STAU1: variants seen among roughly 807,000 people sequenced by gnomAD.
STAU1 encodes double-stranded RNA-binding protein Staufen homolog 1.
In STAU1, 13 loss-of-function variants were observed where a neutral mutation model predicts 62.9. The ratio of observed to expected loss-of-function variants is 0.21; its 90% CI spans 0.13 to 0.33. STAU1 has a LOEUF of 0.33. STAU1 is among the 10% of genes least tolerant of loss of function. STAU1 has a pLI of 1.00. For missense variants in STAU1, 571 were observed against 712.1 expected, an observed-to-expected ratio of 0.80 and a Z score of 2.25; for synonymous variants, 269 against 265.1, an observed-to-expected ratio of 1.01 and a Z score of -0.14.
In STAU1 at chr20:49,139,599, G is replaced by A. The variant is rs554281321; in HGVS notation, c.511-3668C>T. On this transcript the variant is annotated intron_variant, in intron 5 of 13. Coordinates refer to ENST00000371856, the MANE Select transcript of STAU1 (RefSeq NM_017453.4). ...AAACTAGCCGGGTGTGGTAGCAGAC[G>A]TCTGTAATCCCAGCTACTTGGGAGG... Among the ~76,000 whole-genome samples, 19 of 151,862 alleles carry A rather than the reference G, an allele frequency of 1.3e-4. No individual in the cohort carries two copies. In the South Asian group the frequency reaches 3.3e-3, roughly 27 times the overall value.
intron 2 of STAU1, among the ~76,000 whole-genome samples, chr20:49,171,065 A>AGGATCT (rs1337763970): frequency 2.6e-5 from 4 of 152,260 alleles, no homozygotes; most frequent in African/African-American, 4.8e-5. Context: ...AATGCTGGAA[A>AGGATCT]GGATCTGTGT....
chr20:49,206,755 TATTTTA>T, the STAU1 span, among the ~76,000 whole-genome samples: 1 of 99,748 alleles, frequency 1.0e-5, no homozygotes, highest in African/African-American at 3.9e-5. Context: ...ATATATATTT[TATTTTA>T]TTTTTTTTTT....
At chr20:49,123,336 G>T (rs1273341631) in intron 7 of STAU1, 101 bp from the exon 8 acceptor site, 4 of 1,460,392 alleles carry the variant, frequency 2.7e-6, no homozygotes, top group Non-Finnish European at 3.8e-6. Context: ...ATTTTGGGTT[G>T]ACCTAATGGC....
intron 8 of STAU1, among the ~76,000 whole-genome samples, chr20:49,120,556 C>T (rs1296360192): frequency 6.6e-6 from 1 of 152,140 alleles, no homozygotes; most frequent in African/African-American, 2.4e-5. Flanking sequence ...CAGAAATATA[C>T]AAATGCTACG....
At chr20:49,164,585 TGGCCA>T (rs1319768643) in intron 3 of STAU1, among the ~76,000 whole-genome samples, 3 of 151,868 alleles carry the variant, frequency 2.0e-5, no homozygotes, top group African/African-American at 7.3e-5. Context: ...CCACCACGCC[TGGCCA>T]TGACGCAGAA....
upstream of STAU1, chr20:49,188,443 G>A (rs1452981423): frequency 3.3e-5 from 4 of 120,006 alleles, no homozygotes; most frequent in African/African-American, 1.2e-4. Flanking sequence ...CCCCACCCAC[G>A]GTCCGAACCA....
intron 6 of STAU1, 73 bp downstream of exon 6, chr20:49,135,760 G>A: frequency 9.0e-7 from 1 of 1,112,114 alleles, no homozygotes; most frequent in Non-Finnish European, 1.3e-6. Flanking sequence ...GATATTTAGG[G>A]GAAAAAATAA....
chr20:49,145,271 A>T (rs1448423880), intron 5 of STAU1, among the ~76,000 whole-genome samples: 1 of 151,170 alleles, frequency 6.6e-6, no homozygotes, highest in Non-Finnish European at 1.5e-5. Flanking sequence ...TAAAAATACA[A>T]AAATTAGCCG....
chr20:49,212,818 G>A, the STAU1 span, among the ~76,000 whole-genome samples: 181 of 151,238 alleles, frequency 1.2e-3, no homozygotes, highest in African/African-American at 4.1e-3. Flanking sequence ...GGCTGGTCTC[G>A]AACTCCTGAC....
chr20:49,178,734 G>A (rs1188326369), intron 1 of STAU1, among the ~76,000 whole-genome samples: 1 of 150,598 alleles, frequency 6.6e-6, no homozygotes, highest in Non-Finnish European at 1.5e-5. Flanking sequence ...CTGAGTAACA[G>A]AGCGAGACTC....
intron 3 of STAU1, among the ~76,000 whole-genome samples, 196 bp from the exon 4 acceptor site, chr20:49,154,267 G>A (rs551563480): frequency 2.0e-5 from 3 of 152,220 alleles, no homozygotes; most frequent in Non-Finnish European, 2.9e-5. Context: ...ATACACAGTC[G>A]ACAGCACAAA....
the STAU1 span, among the ~76,000 whole-genome samples, chr20:49,197,086 T>C: frequency 6.6e-6 from 1 of 150,956 alleles, no homozygotes; most frequent in East Asian, 2.0e-4. Context: ...ACGCGGGAGG[T>C]GGAGGTTGCA....
chr20:49,124,371 T>C lies in STAU1; in HGVS notation c.822+4A>G, dbSNP rs375033981. On this transcript the variant is annotated splice_donor_region_variant and intron_variant, in intron 7 of 13. Transcript: ENST00000371856. ...ACACCTTCTGTGTTCAGAAAAGTTC[T>C]CACCTTGACTATGGGTTTTGTTTTC... 3.7e-6 allele frequency: 6 copies of C among 1,613,194 alleles called. No individual in the cohort carries two copies. Among genetic ancestry groups the C allele is most frequent in the Non-Finnish European group, 5.1e-6 (6 of 1,179,824 alleles).
chr20:49,133,840 C>A (rs6066975), intron 6 of STAU1, among the ~76,000 whole-genome samples: 48,299 of 152,000 alleles, frequency 0.32, 9,062 homozygotes, highest in Middle Eastern at 0.46. Context: ...CTGGCAACTA[C>A]AATCCCACCT....
At chr20:49,144,518 T>G (rs1416531463) in intron 5 of STAU1, among the ~76,000 whole-genome samples, 3 of 152,214 alleles carry the variant, frequency 2.0e-5, no homozygotes, top group Non-Finnish European at 2.9e-5. Flanking sequence ...ATCATTACAG[T>G]CTGGAGTGCT....
intron 4 of STAU1, among the ~76,000 whole-genome samples, chr20:49,153,251 G>GGAAAAAAAAAAAAA (rs1379385445): frequency 8.1e-5 from 8 of 99,068 alleles, no homozygotes; most frequent in African/African-American, 3.1e-4. Flanking sequence ...CTCCGTCTCA[G>GGAAAAAAAAAAAAA]AAAAAAAAAA....
chr20:49,134,528 G>A (rs1428450182), intron 6 of STAU1: 4 of 1,263,466 alleles, frequency 3.2e-6, no homozygotes, highest in Non-Finnish European at 4.6e-6. Context: ...CAAACTCATC[G>A]GAAACATAGC....
the STAU1 span, among the ~76,000 whole-genome samples, chr20:49,203,762 C>T: frequency 5.9e-5 from 9 of 152,246 alleles, no homozygotes; most frequent in Non-Finnish European, 1.2e-4. Flanking sequence ...TCTCGGCTTA[C>T]TGCAACCTCC....
At chr20:49,134,449 A>AAAAAAAAAAAAAAAAAAAAAGC in intron 6 of STAU1, 1 of 609,626 alleles carries the variant, frequency 1.6e-6, no homozygotes, top group Non-Finnish European at 2.9e-6. Context: ...AAAAAAAAAA[A>AAAAAAAAAAAAAAAAAAAAAGC]GCTCTGGGTT....
Sources: gnomAD v4.1 joint callset for allele counts (sites outside exome capture counted in the v4.1 genomes callset) on GRCh38, gnomAD v4.1.1 for gene constraint, MANE v1.5 for transcripts, NCBI Gene and HGNC (gene_info 2026-07-23, HGNC 2026-07-21) for gene names.